Variants in DACH1 observed in about 807,000 individuals in gnomAD.
The protein encoded by DACH1 is dachshund homolog 1.
Under a neutral mutation model 54.2 loss-of-function variants are expected in DACH1, and 12 were observed. The ratio of observed to expected loss-of-function variants is 0.22; its 90% CI spans 0.14 to 0.36. The LOEUF (loss-of-function observed/expected upper bound fraction) is 0.36, where lower values mean the gene tolerates loss of function less well. Ranked by LOEUF, DACH1 falls within the 10% of genes least tolerant of loss-of-function variation. DACH1 has a pLI of 1.00. For missense variants in DACH1, 805 were observed against 929.8 expected (o/e 0.87, Z 1.75); for synonymous variants, 386 against 366.2 (o/e 1.05, Z -0.62).
chr13:71,522,785 T>C (rs1271902794), intron 6 of DACH1, among the ~76,000 whole-genome samples: 2 of 152,138 alleles, frequency 1.3e-5, no homozygotes, highest in Non-Finnish European at 2.9e-5. Context: ...GGTTGAATGT[T>C]TCTGGGACTT....
chr13:71,617,176 AT>A, intron 3 of DACH1, among the ~76,000 whole-genome samples: 1 of 152,028 alleles, frequency 6.6e-6, no homozygotes, highest in Non-Finnish European at 1.5e-5. Context: ...GCAGGGTCAA[AT>A]TTTTTTACAA....
intron 1 of DACH1, among the ~76,000 whole-genome samples, chr13:71,727,392 C>T (rs926993050): frequency 2.0e-5 from 3 of 152,036 alleles, no homozygotes; most frequent in African/African-American, 7.2e-5. Flanking sequence ...TCTAGATCTT[C>T]CCTACAAGAT....
Position 71,447,650 on chromosome 13 carries a change from G to A in DACH1, c.2084-6958C>T, listed in dbSNP as rs529775747. ...AAATCGAGACCATCCTGCCATCATG[G>A]TGAAACCCCGACTCTACTAAAAATA... On this transcript the variant is annotated intron_variant, in intron 10 of 10. Transcript: ENST00000613252. Among the ~76,000 whole-genome samples the A allele has an allele frequency of 1.4e-3, 207 of 152,014 alleles. 1 individual carries two copies. Among genetic ancestry groups the A allele is most frequent in the Non-Finnish European group, 2.3e-3 (154 of 67,960 alleles).
chr13:71,545,117 C>CT (rs1301694142), intron 6 of DACH1, among the ~76,000 whole-genome samples: 10 of 151,982 alleles, frequency 6.6e-5, no homozygotes, highest in Non-Finnish European at 1.2e-4. Flanking sequence ...AACAAACTTG[C>CT]TTTTTTCAAG....
intron 6 of DACH1, among the ~76,000 whole-genome samples, chr13:71,500,752 A>G (rs560926463): frequency 2.0e-5 from 3 of 152,164 alleles, no homozygotes; most frequent in Non-Finnish European, 2.9e-5. Flanking sequence ...ATGGCCACCC[A>G]CAAATATACA....
intron 3 of DACH1, among the ~76,000 whole-genome samples, chr13:71,602,861 T>C (rs1277506046): frequency 6.6e-6 from 1 of 151,936 alleles, no homozygotes; most frequent in African/African-American, 2.4e-5. Context: ...GAGAGAAATC[T>C]AGGGAGGCAG....
chr13:71,658,136 A>G (rs1879259264), intron 2 of DACH1, among the ~76,000 whole-genome samples: 1 of 152,236 alleles, frequency 6.6e-6, no homozygotes, highest in Non-Finnish European at 1.5e-5. Context: ...TGAAAATATC[A>G]TATCACAATA....
rs114366767 is a variant in DACH1, at chr13:71,659,261, C to T, written c.964+22534G>A. ...GTCATAATCATGTTTTTGACTCTTACTGGGGGGTGGCTCACAAATTTACAA... is the reference window on the plus strand; with the variant it reads ...GTCATAATCATGTTTTTGACTCTTATTGGGGGGTGGCTCACAAATTTACAA... On this transcript the variant is annotated intron_variant, in intron 2 of 10. Transcript: ENST00000613252. Among the ~76,000 whole-genome samples the T allele has an allele frequency of 4.1e-3, 631 of 152,148 alleles. 8 individuals are homozygous for T. The highest frequency in any genetic ancestry group is 0.015 in the African/African-American group (607 of 41,512).
At chr13:71,579,733 C>T (rs1233025661) in intron 3 of DACH1, among the ~76,000 whole-genome samples, 2 of 151,938 alleles carry the variant, frequency 1.3e-5, no homozygotes, top group African/African-American at 4.8e-5. Context: ...TGATGCAACT[C>T]AAACTAAAAG....
At chr13:71,474,458 G>C (rs780976143) in intron 10 of DACH1, among the ~76,000 whole-genome samples, 6 of 152,112 alleles carry the variant, frequency 3.9e-5, no homozygotes, top group Non-Finnish European at 7.4e-5. Context: ...ATGTTGTTAG[G>C]TTGAATTTGT....
Position 71,693,996 on chromosome 13 carries a change from TC to T in DACH1, c.849-12087del, listed in dbSNP as rs1881675501. Among the ~76,000 whole-genome samples the T allele has an allele frequency of 1.1e-4, 16 of 152,250 alleles. No homozygotes were observed. The South Asian group carries it at 3.1e-3, about 30-fold the overall frequency. On this transcript the variant is annotated intron_variant, in intron 1 of 10. Coordinates refer to ENST00000613252, the MANE Select transcript of DACH1 (RefSeq NM_080759.6). The stretch of plus-strand genomic sequence containing the variant: ...AGTTTTGTTTGTATTAAATGATTGC[TC>T]CTTAGAGATGTAGTCTCAAATGAGG...
chr13:71,760,505 T>C (rs1885361688), intron 1 of DACH1, among the ~76,000 whole-genome samples: 1 of 152,196 alleles, frequency 6.6e-6, no homozygotes, highest in Non-Finnish European at 1.5e-5. Context: ...CAGTTAATCC[T>C]TATAGCTCTA....
At chr13:71,609,787 A>G (rs77632349) in intron 3 of DACH1, among the ~76,000 whole-genome samples, 7,769 of 152,242 alleles carry the variant, frequency 0.051, 667 homozygotes, top group African/African-American at 0.18. Context: ...TCAGCCTCCC[A>G]AAGTGCTGGG....
At chr13:71,498,961 C>T (rs908047987) in intron 6 of DACH1, among the ~76,000 whole-genome samples, 3 of 152,020 alleles carry the variant, frequency 2.0e-5, no homozygotes, top group African/African-American at 7.3e-5. Context: ...ACAGCAAATC[C>T]ATCATTATCT....
intron 10 of DACH1, among the ~76,000 whole-genome samples, chr13:71,468,233 A>G (rs1160029951): frequency 6.6e-6 from 1 of 152,196 alleles, no homozygotes; most frequent in African/African-American, 2.4e-5. Flanking sequence ...GACCTGTAGT[A>G]AATATATTGT....
intron 1 of DACH1, among the ~76,000 whole-genome samples, chr13:71,691,668 G>A (rs1881482395): frequency 6.6e-6 from 1 of 152,226 alleles, no homozygotes; most frequent in Non-Finnish European, 1.5e-5. Context: ...CCTGAGCACA[G>A]TGTAATACTA....
At chr13:71,846,397 T>G (rs1305348200) in intron 1 of DACH1, 1 of 153,448 alleles carries the variant, frequency 6.5e-6, no homozygotes, top group Non-Finnish European at 1.5e-5. Context: ...TGCCAGCACT[T>G]TGGGAAGCTG....
intron 6 of DACH1, among the ~76,000 whole-genome samples, chr13:71,517,304 C>G (rs1881234127): frequency 6.6e-6 from 1 of 151,450 alleles, no homozygotes; most frequent in Non-Finnish European, 1.5e-5. Context: ...CAAACTACAT[C>G]CCATAACATG....
In DACH1 at chr13:71,557,086, T is replaced by C. The variant is rs757153138; in HGVS notation, c.1508A>G (p.Lys503Arg). 8 of 1,611,790 alleles carry C rather than the reference T, an allele frequency of 5.0e-6. No individual in the cohort carries two copies. The highest frequency in any genetic ancestry group is 3.3e-4 in the Middle Eastern group (2 of 6,056). The change falls in exon 6 of 11, where the codon AAA becomes AGA. Residue 503 changes from lysine to arginine, a missense_variant. By Grantham distance (26) the Lys-to-Arg change is conservative. This residue lies in a region of DACH1 where 472 missense variants were observed against 545.3 expected (regional missense o/e 0.87). Coordinates refer to ENST00000613252, the MANE Select transcript of DACH1 (RefSeq NM_080759.6). ...GLSPNVLPGP[K>R]EGDLAGHDMG... ...GTCATGACCGGCCAAATCTCCCTCT[T>C]TGGGCCCAGGAAGTACATTTGGTGA...
Sources: allele counts gnomAD v4.1 joint callset (sites outside exome capture counted in the v4.1 genomes callset), GRCh38; gene constraint gnomAD v4.1.1; regional missense constraint gnomAD v4.1.1; transcripts MANE v1.5; gene names NCBI Gene and HGNC (gene_info 2026-07-23, HGNC 2026-07-21).